PACSIN2: variants seen among roughly 807,000 people sequenced by gnomAD.
PACSIN2 encodes protein kinase C and casein kinase substrate in neurons 2.
A neutral mutation model predicts 63.8 loss-of-function variants in PACSIN2; 25 were observed. The ratio of observed to expected loss-of-function variants is 0.39; its 90% CI spans 0.29 to 0.55. The LOEUF (loss-of-function observed/expected upper bound fraction) is 0.55. Ranked by LOEUF, PACSIN2 falls within the 20% of genes least tolerant of loss-of-function variation. The pLI, the probability that PACSIN2 is intolerant of heterozygous loss-of-function variation, is 0.62. For synonymous variants in PACSIN2, 255 were observed against 256.2 expected (o/e 1.00, Z 0.05); for missense variants, 518 against 646.9 (o/e 0.80, Z 2.16).
At chr22:43,001,086 T>C (rs1030241137) in intron 1 of PACSIN2, among the ~76,000 whole-genome samples, 1 of 152,214 alleles carries the variant, frequency 6.6e-6, no homozygotes, top group African/African-American at 2.4e-5. Context: ...CGTCTTGTGT[T>C]ACCAAAAATC....
At chr22:42,919,762 GA>G (rs1259400835) in intron 1 of PACSIN2, among the ~76,000 whole-genome samples, 1 of 66,704 alleles carries the variant, frequency 1.5e-5, no homozygotes, top group South Asian at 5.8e-4. Flanking sequence ...GACAGAGCAA[GA>G]ACCTGTCTCA....
Position 43,005,496 on chromosome 22 carries a change from C to T in PACSIN2, c.-78+9525G>A, listed in dbSNP as rs112746996. Among the ~76,000 whole-genome samples, 765 of 152,278 alleles carry T rather than the reference C, an allele frequency of 5.0e-3. 4 individuals carry two copies. Among genetic ancestry groups the T allele is most frequent in the African/African-American group, 0.018 (737 of 41,544 alleles). ...AAAAGGTGGTGGGGAGAAAGACAGG[C>T]CCTGTAAGTGCCAGGATATGAGGGG... On this transcript the variant is annotated intron_variant, in intron 1 of 10. Coordinates refer to ENST00000263246, the MANE Select transcript of PACSIN2 (RefSeq NM_001184970.3).
chr22:42,880,154 T>C (rs528893203), intron 7 of PACSIN2, among the ~76,000 whole-genome samples: 2 of 152,210 alleles, frequency 1.3e-5, no homozygotes, highest in Non-Finnish European at 2.9e-5. Flanking sequence ...ACGGCTCTGC[T>C]CACACGTACT....
At chr22:42,933,465 A>T (rs1466741224) in intron 1 of PACSIN2, among the ~76,000 whole-genome samples, 1 of 152,216 alleles carries the variant, frequency 6.6e-6, no homozygotes, top group East Asian at 1.9e-4. Context: ...ATGACAAAAT[A>T]AATAAGAGCA....
At position 42,994,788 on chromosome 22, in the gene PACSIN2, T is replaced by G. The variant is rs370192995; in HGVS notation, c.-78+20233A>C. On this transcript the variant is annotated intron_variant, in intron 1 of 10. Coordinates refer to ENST00000263246, the MANE Select transcript of PACSIN2 (RefSeq NM_001184970.3). The stretch of plus-strand genomic sequence containing the variant: ...CCCCACCTACGGGAATGCTGACATA[T>G]GAAAGGTCTGGGGGCTGCGGGGAGC... 7.9e-5 allele frequency among the ~76,000 whole-genome samples: 12 copies of G among 152,278 alleles called. No individual in the cohort carries two copies. The East Asian group carries it at 1.5e-3, about 20-fold the overall frequency.
At chr22:42,883,475 T>C (rs1929228599) in intron 6 of PACSIN2, among the ~76,000 whole-genome samples, 1 of 152,222 alleles carries the variant, frequency 6.6e-6, no homozygotes, top group African/African-American at 2.4e-5. Flanking sequence ...ATCCACGTCC[T>C]TGACTTAGCT....
intron 1 of PACSIN2, among the ~76,000 whole-genome samples, chr22:42,975,333 A>AG (rs890320222): frequency 6.6e-6 from 1 of 152,032 alleles, no homozygotes; most frequent in Non-Finnish European, 1.5e-5. Context: ...AAAGGTAGAA[A>AG]GGGGGCTGGG....
intron 1 of PACSIN2, among the ~76,000 whole-genome samples, chr22:42,946,061 C>G (rs1008447370): frequency 2.6e-5 from 4 of 152,206 alleles, no homozygotes; most frequent in Non-Finnish European, 4.4e-5. Flanking sequence ...ATCAGCTCCA[C>G]CCCTTCACAC....
chr22:42,967,476 C>T (rs1197106686), intron 1 of PACSIN2, among the ~76,000 whole-genome samples: 1 of 152,226 alleles, frequency 6.6e-6, no homozygotes, highest in Non-Finnish European at 1.5e-5. Flanking sequence ...AATACAACCC[C>T]AGAATCAATG....
At chr22:42,960,973 T>C (rs867409912) in intron 1 of PACSIN2, among the ~76,000 whole-genome samples, 4 of 152,220 alleles carry the variant, frequency 2.6e-5, no homozygotes, top group South Asian at 2.1e-4. Context: ...CAATTTCTGC[T>C]AGGTGCCCTC....
intron 1 of PACSIN2, among the ~76,000 whole-genome samples, chr22:42,956,159 C>T (rs1201170080): frequency 6.6e-6 from 1 of 152,216 alleles, no homozygotes. Flanking sequence ...GCACCCTTCA[C>T]ATTAACAAAA....
At chr22:42,994,269 C>A (rs749730200) in intron 1 of PACSIN2, among the ~76,000 whole-genome samples, 1 of 152,234 alleles carries the variant, frequency 6.6e-6, no homozygotes, top group Non-Finnish European at 1.5e-5. Flanking sequence ...CTTAACCCCA[C>A]CTCCCCATGC....
rs1927956216 is a variant in PACSIN2 at position 42,869,908 on chromosome 22, G to C, written c.*1449C>G. On this transcript the variant is annotated 3_prime_UTR_variant, in exon 11 of 11. Transcript: ENST00000263246. ...GAGGATTTCTGCTGGTAAGTTCTCA[G>C]GACAGACACAGACACAGGTCCACTT... 1 of 152,490 alleles carries C rather than the reference G, an allele frequency of 6.6e-6. No homozygotes were observed. Among genetic ancestry groups the C allele is most frequent in the African/African-American group, 2.4e-5 (1 of 41,464 alleles). 9.4% of individuals were successfully genotyped at this position (152,490 alleles called of 1,614,324 possible). A position where few individuals can be genotyped will look rare whatever the true frequency, so the allele number is the denominator to read the frequency against.
At chr22:42,925,126 T>G (rs1265048573) in intron 1 of PACSIN2, among the ~76,000 whole-genome samples, 1 of 150,774 alleles carries the variant, frequency 6.6e-6, no homozygotes, top group Non-Finnish European at 1.5e-5. Flanking sequence ...ACTTACCACC[T>G]CCTAACGAGC....
In PACSIN2 at chr22:42,876,916, T is replaced by C. The variant is rs766734571; in HGVS notation, c.1123A>G (p.Ser375Gly). The C allele has an allele frequency of 3.1e-6, 5 of 1,614,164 alleles. No individual in the cohort carries two copies. The highest frequency in any genetic ancestry group is 4.2e-6 in the Non-Finnish European group (5 of 1,180,004). The part of the protein sequence containing the change: ...EDEDDTGSTV[S>G]EKDDTKAKNV... Reference sequence around the variant, plus strand: ...TTGGCCTTAGTGTCGTCCTTCTCACTGACGGTGCTGCCCGTGTCGTCCTCA... The same window carrying C: ...TTGGCCTTAGTGTCGTCCTTCTCACCGACGGTGCTGCCCGTGTCGTCCTCA... The change falls in exon 9 of 11, where the codon AGT becomes GGT. Residue 375 changes from serine (S) to glycine (G), a missense_variant. This residue lies in a region of PACSIN2 where 507 missense variants were observed against 612.3 expected (regional missense o/e 0.83). Transcript: ENST00000263246.
chr22:42,926,410 A>T (rs747056133), intron 1 of PACSIN2, among the ~76,000 whole-genome samples: 1 of 152,094 alleles, frequency 6.6e-6, no homozygotes, highest in African/African-American at 2.4e-5. Flanking sequence ...AGGCAGACAC[A>T]ACTCATTGTT....
intron 6 of PACSIN2, 137 bp downstream of exon 6, chr22:42,884,249 C>G (rs1220166883): frequency 4.2e-6 from 3 of 713,466 alleles, no homozygotes; most frequent in East Asian, 5.2e-5. Context: ...TACAAAGAAG[C>G]AGGAGGCCCT....
chr22:42,997,419 G>C (rs752132680), intron 1 of PACSIN2, among the ~76,000 whole-genome samples: 1 of 151,852 alleles, frequency 6.6e-6, no homozygotes, highest in African/African-American at 2.4e-5. Context: ...TTAGCCAGGC[G>C]TGGTGGCAGG....
chr22:43,001,646 T>C (rs978147392), intron 1 of PACSIN2, among the ~76,000 whole-genome samples: 1 of 152,250 alleles, frequency 6.6e-6, no homozygotes, highest in African/African-American at 2.4e-5. Flanking sequence ...TTTCCTCTTA[T>C]GTCTACCTTC....
Sources: allele counts gnomAD v4.1 joint callset (sites outside exome capture counted in the v4.1 genomes callset), GRCh38; gene constraint gnomAD v4.1.1; regional missense constraint gnomAD v4.1.1; transcripts MANE v1.5; gene names NCBI Gene and HGNC (gene_info 2026-07-23, HGNC 2026-07-21).